The following APCDD1L variants were observed in gnomAD, a reference collection of about 807,000 sequenced individuals.
APCDD1L encodes the protein APC down-regulated 1 like, also known as protein APCDD1-like.
Under a neutral mutation model 24.2 loss-of-function variants are expected in APCDD1L, and 21 were observed. The observed-to-expected ratio is 0.87, with a 90% CI of 0.61 to 1.25. The LOEUF is 1.25. Among genes scored for constraint, APCDD1L ranks in the 50% most tolerant of loss-of-function variants. The pLI is 0.00. For synonymous variants in APCDD1L, 321 were observed against 323.6 expected (o/e 0.99, Z 0.09); for missense variants, 704 against 711.7 (o/e 0.99, Z 0.12).
chr20:58,477,269 A>T (rs1015599236), intron 1 of APCDD1L, among the ~76,000 whole-genome samples: 1 of 152,202 alleles, frequency 6.6e-6, no homozygotes, highest in African/African-American at 2.4e-5. Flanking sequence ...CTGGTCCAGC[A>T]TCCAGTCCAG....
At chr20:58,472,248 C>T (rs1182690803) in intron 1 of APCDD1L, among the ~76,000 whole-genome samples, 3 of 152,142 alleles carry the variant, frequency 2.0e-5, no homozygotes, top group East Asian at 1.9e-4. Context: ...GATGACGGCA[C>T]CTGTTAACTG....
At chr20:58,470,075 G>A (rs1237844110) in intron 2 of APCDD1L, among the ~76,000 whole-genome samples, 1 of 152,180 alleles carries the variant, frequency 6.6e-6, no homozygotes, top group South Asian at 2.1e-4. Flanking sequence ...GCTCTCCCTG[G>A]CCTGCCACTT....
chr20:58,461,313 A>G lies in APCDD1L; in HGVS notation c.983T>C (p.Phe328Ser), dbSNP rs1989599403. 6.2e-7 allele frequency: 1 copy of G among 1,605,762 alleles called. No individual in the cohort carries two copies. The highest frequency in any genetic ancestry group is 8.5e-7 in the Non-Finnish European group (1 of 1,174,082). Reference protein sequence around the residue: ...FSDPACRQPTFTVYAAGRYTR... With the variant: ...FSDPACRQPTSTVYAAGRYTR... ...GTAGCGGCCGGCGGCATACACGGTG[A>G]AGGTGGGCTGCCGGCAGGCTGGGTC... The change falls in exon 4 of 4, where the codon TTC (phenylalanine) becomes TCC (serine). Residue 328 changes from phenylalanine to serine, a missense_variant. By Grantham distance (155) the Phe-to-Ser change is radical. Transcript: ENST00000371149. This position sits in a 1 kb window ranked among gnomAD's most constrained non-coding sequence, Gnocchi z 6.0.
At chr20:58,493,253 T>TA (rs1177592098) in intron 1 of APCDD1L, among the ~76,000 whole-genome samples, 4 of 152,256 alleles carry the variant, frequency 2.6e-5, no homozygotes, top group Non-Finnish European at 5.9e-5. Context: ...TGGCTCTTAC[T>TA]ATGAGACATC....
intron 1 of APCDD1L, among the ~76,000 whole-genome samples, chr20:58,500,766 G>A (rs138700297): frequency 3.3e-5 from 5 of 152,024 alleles, no homozygotes; most frequent in East Asian, 3.9e-4. Context: ...GACTACCCCC[G>A]GACATTCATC....
intron 2 of APCDD1L, among the ~76,000 whole-genome samples, chr20:58,468,736 T>G (rs1015901851): frequency 6.6e-6 from 1 of 152,040 alleles, no homozygotes; most frequent in Admixed American, 6.5e-5. Flanking sequence ...CCCGGCCAAT[T>G]TTTGTATTTT....
intron 2 of APCDD1L, among the ~76,000 whole-genome samples, chr20:58,468,284 G>T (rs1568736034): frequency 6.6e-6 from 1 of 152,194 alleles, no homozygotes; most frequent in East Asian, 1.9e-4. Context: ...GATGGGCATG[G>T]TTGTGTGCCA....
At chr20:58,496,011 T>C (rs540077066) in intron 1 of APCDD1L, among the ~76,000 whole-genome samples, 2 of 152,298 alleles carry the variant, frequency 1.3e-5, no homozygotes, top group Admixed American at 6.5e-5. Flanking sequence ...CCCTACCCCA[T>C]TGAGGGTCAA....
chr20:58,474,236 A>G (rs1884665), intron 1 of APCDD1L, among the ~76,000 whole-genome samples: 86,816 of 152,156 alleles, frequency 0.57, 25,902 homozygotes, highest in African/African-American at 0.74. Flanking sequence ...ATTGACAGGT[A>G]TAATCGACAC....
intron 1 of APCDD1L, among the ~76,000 whole-genome samples, chr20:58,499,647 T>C (rs1438235276): frequency 1.3e-5 from 2 of 152,208 alleles, no homozygotes; most frequent in Admixed American, 6.5e-5. Context: ...AGCACGTTCA[T>C]AGGAAGGGGC....
At chr20:58,479,822 C>T (rs560592083) in intron 1 of APCDD1L, among the ~76,000 whole-genome samples, 3 of 152,204 alleles carry the variant, frequency 2.0e-5, no homozygotes, top group South Asian at 4.2e-4. Context: ...GCCCTGGCTG[C>T]GTGGCCATTA....
chr20:58,471,486 A>T (rs1412799475), intron 1 of APCDD1L, among the ~76,000 whole-genome samples: 2 of 152,212 alleles, frequency 1.3e-5, no homozygotes, highest in Non-Finnish European at 2.9e-5. Flanking sequence ...CTCAGGGCAG[A>T]AGGTGACTGG....
intron 1 of APCDD1L, among the ~76,000 whole-genome samples, chr20:58,492,865 C>T (rs1336920316): frequency 6.6e-6 from 1 of 151,768 alleles, no homozygotes; most frequent in South Asian, 2.1e-4. Context: ...CACACACATG[C>T]ACTCACACAC....
rs1990561215 is a variant in APCDD1L at position 58,508,384 on chromosome 20, C to T, written c.49+6275G>A. Among the ~76,000 whole-genome samples the T allele has an allele frequency of 6.6e-6, 1 of 152,154 alleles. No homozygotes were observed. Among genetic ancestry groups the T allele is most frequent in the Non-Finnish European group, 1.5e-5 (1 of 68,024 alleles). On this transcript the variant is annotated intron_variant, in intron 1 of 3. Transcript: ENST00000371149. This position sits in a 1 kb window ranked among gnomAD's most constrained non-coding sequence, Gnocchi z 4.0. ...CAAGGAGCACAGGGAGGGGAGAGCA[C>T]AGAGAGAGTGAACATGGCTGAGACT...
At chr20:58,485,959 A>C (rs948234395) in intron 1 of APCDD1L, among the ~76,000 whole-genome samples, 1 of 152,190 alleles carries the variant, frequency 6.6e-6, no homozygotes, top group African/African-American at 2.4e-5. Context: ...CAAGCTGCTG[A>C]TGCCCCTGGC....
chr20:58,489,768 A>C (rs1005898906), intron 1 of APCDD1L, among the ~76,000 whole-genome samples: 1 of 152,070 alleles, frequency 6.6e-6, no homozygotes, highest in East Asian at 1.9e-4. Flanking sequence ...GCAATCTCCA[A>C]CTCACTCTGT....
intron 1 of APCDD1L, among the ~76,000 whole-genome samples, chr20:58,482,694 G>A (rs982063462): frequency 1.3e-5 from 2 of 152,226 alleles, no homozygotes; most frequent in East Asian, 1.9e-4. Flanking sequence ...GGATCTGCTC[G>A]ACCCTTATCA....
rs149764499 is a variant in APCDD1L, at chr20:58,508,993, CGTGTGT to C, written c.49+5660_49+5665del. Among the ~76,000 whole-genome samples the C allele has an allele frequency of 1.1e-4, 17 of 149,424 alleles. No individual in the cohort carries two copies. Among genetic ancestry groups the C allele is most frequent in the Non-Finnish European group, 1.2e-4 (8 of 67,182 alleles). On this transcript the variant is annotated intron_variant, in intron 1 of 3. Coordinates refer to ENST00000371149, the MANE Select transcript of APCDD1L (RefSeq NM_153360.3). This position sits in a 1 kb window ranked among gnomAD's most constrained non-coding sequence, Gnocchi z 4.0. ...GCGCACGTGTGTGTGCATGTGCATG[CGTGTGT>C]GTGTGTGTGTGTGTGTGTGGAGTCA...
At chr20:58,493,761 G>A (rs748444323) in intron 1 of APCDD1L, among the ~76,000 whole-genome samples, 12 of 152,166 alleles carry the variant, frequency 7.9e-5, no homozygotes, top group Non-Finnish European at 1.6e-4. Flanking sequence ...CAAAGACATG[G>A]GCAACGTTGT....
Sources: gnomAD v4.1 joint callset for allele counts (sites outside exome capture counted in the v4.1 genomes callset) on GRCh38, gnomAD v4.1.1 for gene constraint, Gnocchi (gnomAD v3.1) non-coding constraint, MANE v1.5 for transcripts, NCBI Gene and HGNC (gene_info 2026-07-23, HGNC 2026-07-21) for gene names.